The following CRKL variants were observed in gnomAD, a reference collection of about 807,000 sequenced individuals.
CRKL encodes CRK like proto-oncogene, adaptor protein.
A neutral mutation model predicts 23.0 loss-of-function variants in CRKL; 3 were observed. The ratio of observed to expected loss-of-function variants is 0.13; its 90% CI spans 0.06 to 0.34. CRKL has a LOEUF of 0.34. CRKL is among the 10% of genes least tolerant of loss of function. The pLI is 1.00. For missense variants in CRKL, 256 were observed against 394.5 expected (o/e 0.65, Z 2.97); for synonymous variants, 188 against 160.7 (o/e 1.17, Z -1.28).
At chr22:20,926,186 T>C (rs576711370) in intron 1 of CRKL, among the ~76,000 whole-genome samples, 1 of 152,252 alleles carries the variant, frequency 6.6e-6, no homozygotes, top group Admixed American at 6.5e-5. Context: ...GGCAGGAACC[T>C]AGGAAGGAAA....
At chr22:20,923,257 A>G (rs1921056158) in intron 1 of CRKL, among the ~76,000 whole-genome samples, 1 of 151,738 alleles carries the variant, frequency 6.6e-6, no homozygotes, top group South Asian at 2.1e-4. Flanking sequence ...GCTTCTGAGG[A>G]GCTTACTGGT....
intron 2 of CRKL, among the ~76,000 whole-genome samples, chr22:20,934,884 G>T (rs1028056795): frequency 7.7e-6 from 1 of 129,218 alleles, no homozygotes; most frequent in Non-Finnish European, 1.5e-5. Flanking sequence ...CTCAATCTCC[G>T]CTCACTGCAA....
rs555824996 is a variant in CRKL, at chr22:20,953,347, G to A, written c.*3502G>A. 1.7e-5 allele frequency: 4 copies of A among 230,990 alleles called. No individual in the cohort carries two copies. The highest frequency in any genetic ancestry group is 3.4e-5 in the Non-Finnish European group (4 of 116,630). The allele number at this position is 230,990 out of a possible 1,614,324, so 14.3% of individuals were successfully genotyped here. A position where few individuals can be genotyped will look rare whatever the true frequency, so the allele number is the denominator to read the frequency against. ...GTTTTCTAAAGGAGCAGAAGGACAG[G>A]TCTCTGAGACAGGATCGTTGTCCCT... On this transcript the variant is annotated 3_prime_UTR_variant, in exon 3 of 3. Transcript: ENST00000354336.
At chr22:20,923,844 C>T (rs1921085889) in intron 1 of CRKL, among the ~76,000 whole-genome samples, 2 of 151,410 alleles carry the variant, frequency 1.3e-5, no homozygotes, top group Non-Finnish European at 2.9e-5. Flanking sequence ...TCCCAAAGTG[C>T]TGGGATTACA....
At chr22:20,939,990 A>T (rs990596911) in intron 2 of CRKL, among the ~76,000 whole-genome samples, 1 of 151,798 alleles carries the variant, frequency 6.6e-6, no homozygotes, top group Non-Finnish European at 1.5e-5. Flanking sequence ...GGGTTTCACC[A>T]TGTTGGCCAG....
rs545944674 is a variant in CRKL, at chr22:20,952,781, C to T, written c.*2936C>T. ...CTAGAGGGCATTGACTGGTTAAAAACTTGTGTATCCCGGGAAGGACCTGCG... is the reference window on the plus strand; with the variant it reads ...CTAGAGGGCATTGACTGGTTAAAAATTTGTGTATCCCGGGAAGGACCTGCG... On this transcript the variant is annotated 3_prime_UTR_variant, in exon 3 of 3. Transcript: ENST00000354336. The T allele has an allele frequency of 3.9e-4, 91 of 231,858 alleles. No individual in the cohort carries two copies. The highest frequency in any genetic ancestry group is 1.9e-3 in the African/African-American group (88 of 45,392). 14.4% of individuals were successfully genotyped at this position (231,858 alleles called of 1,614,324 possible).
At chr22:20,941,591 T>A (rs1434255174) in intron 2 of CRKL, among the ~76,000 whole-genome samples, 1,424 of 81,036 alleles carry the variant, frequency 0.018, 208 homozygotes, top group Non-Finnish European at 0.027. Flanking sequence ...TATATATATT[T>A]TTTTTTTTTT....
chr22:20,920,119 C>T lies in CRKL; in HGVS notation c.311+1874C>T, dbSNP rs185548221. ...ATAAATTCTTCCTCTCGTTTGTGAG[C>T]GTGAATTATATAATTAATACCAGGC... On this transcript the variant is annotated intron_variant, in intron 1 of 2. Transcript: ENST00000354336. Among the ~76,000 whole-genome samples the T allele has an allele frequency of 3.7e-4, 56 of 152,194 alleles. 1 individual carries two copies. Among genetic ancestry groups the T allele is most frequent in the African/African-American group, 1.3e-3 (55 of 41,510 alleles).
chr22:20,949,150 G>C (rs1922175866), intron 2 of CRKL, among the ~76,000 whole-genome samples: 1 of 152,042 alleles, frequency 6.6e-6, no homozygotes, highest in Admixed American at 6.5e-5. Flanking sequence ...TTTTGAGACA[G>C]GGTCTCACTC....
intron 2 of CRKL, among the ~76,000 whole-genome samples, chr22:20,943,300 C>T (rs1045007617): frequency 3.3e-5 from 5 of 152,094 alleles, no homozygotes; most frequent in African/African-American, 1.2e-4. Context: ...CAATGGCACT[C>T]ACGATCTCGA....
At chr22:20,924,795 G>A (rs555117739) in intron 1 of CRKL, among the ~76,000 whole-genome samples, 4 of 152,222 alleles carry the variant, frequency 2.6e-5, no homozygotes, top group Admixed American at 6.5e-5. Flanking sequence ...AGTCGAGGTC[G>A]TGCAGCTGGA....
At chr22:20,927,093 C>T (rs1356805306) in intron 1 of CRKL, among the ~76,000 whole-genome samples, 1 of 75,528 alleles carries the variant, frequency 1.3e-5, no homozygotes, top group Admixed American at 2.5e-4. Context: ...GCTTGGGTGA[C>T]AGAGCAAGAC....
rs1400826242 is a variant in CRKL at position 20,952,978 on chromosome 22, G to A, written c.*3133G>A. The A allele has an allele frequency of 1.3e-5, 3 of 231,628 alleles. No homozygotes were observed. The highest frequency in any genetic ancestry group is 6.1e-5 in the East Asian group (1 of 16,314). The allele number at this position is 231,628 out of a possible 1,614,324, so 14.3% of individuals were successfully genotyped here. ...GAAGGACAGCTGTGCCCTCCTGGGA[G>A]CTCATGTGTCCCTGGCGCTGTGCTA... On this transcript the variant is annotated 3_prime_UTR_variant, in exon 3 of 3. Transcript: ENST00000354336.
At chr22:20,920,329 C>T (rs963225661) in intron 1 of CRKL, among the ~76,000 whole-genome samples, 2 of 152,002 alleles carry the variant, frequency 1.3e-5, no homozygotes, top group Non-Finnish European at 2.9e-5. Context: ...GGTGAAACCC[C>T]GTCTCTGCTA....
chr22:20,923,935 C>G (rs993711290), intron 1 of CRKL, among the ~76,000 whole-genome samples: 1 of 151,758 alleles, frequency 6.6e-6, no homozygotes, highest in Non-Finnish European at 1.5e-5. Flanking sequence ...GCCTGTAATC[C>G]CAGCACTTCG....
chr22:20,932,443 CT>C (rs886153686), intron 1 of CRKL, among the ~76,000 whole-genome samples: 10 of 151,734 alleles, frequency 6.6e-5, no homozygotes, highest in African/African-American at 2.2e-4. Flanking sequence ...TTTTTTGTTC[CT>C]TTTTTTTCAA....
intron 2 of CRKL, among the ~76,000 whole-genome samples, chr22:20,943,633 A>G (rs1008145464): frequency 6.6e-6 from 1 of 152,178 alleles, no homozygotes; most frequent in Non-Finnish European, 1.5e-5. Flanking sequence ...GCATGTGGAA[A>G]TTGGTGCAGT....
At chr22:20,938,857 G>C (rs1355485060) in intron 2 of CRKL, among the ~76,000 whole-genome samples, 1 of 152,078 alleles carries the variant, frequency 6.6e-6, no homozygotes, top group African/African-American at 2.4e-5. Flanking sequence ...CCATGGTGTG[G>C]CATAAGAAAA....
intron 2 of CRKL, among the ~76,000 whole-genome samples, chr22:20,938,052 G>A (rs1488380636): frequency 1.3e-5 from 2 of 152,084 alleles, no homozygotes; most frequent in Non-Finnish European, 2.9e-5. Flanking sequence ...TATTAGGATA[G>A]TGGTGCCTGT....
Sources: allele counts gnomAD v4.1 joint callset (sites outside exome capture counted in the v4.1 genomes callset), GRCh38; gene constraint gnomAD v4.1.1; transcripts MANE v1.5; gene names NCBI Gene and HGNC (gene_info 2026-07-23, HGNC 2026-07-21).